Variants in TAF9B observed in about 807,000 individuals in gnomAD.
The protein encoded by TAF9B is TATA-box binding protein associated factor 9b.
In TAF9B, 47 loss-of-function variants were observed where a neutral mutation model predicts 17.6. The observed-to-expected ratio is 2.68, with a 90% confidence interval of 2.12 to 3.41. TAF9B has a LOEUF of 3.41. TAF9B is among the 30% of genes most tolerant of loss of function. The probability of loss-of-function intolerance (pLI) is 0.00; values close to 1 mark genes in which losing one functional copy is unlikely to be tolerated. For synonymous variants in TAF9B, 84 were observed against 68.7 expected (o/e 1.22, Z -1.10); for missense variants, 218 against 189.3 (o/e 1.15, Z -0.89).
chrX:78,137,199 G>A (rs983721068), intron 4 of TAF9B, among the ~76,000 whole-genome samples: 33 of 111,954 alleles, frequency 2.9e-4, no homozygotes, highest in African/African-American at 1.1e-3. Flanking sequence ...ATATGAATAC[G>A]TATAAAATCT....
In TAF9B at chrX:78,138,841, A is replaced by G. The variant is rs1448744701; in HGVS notation, c.133+2T>C. ...CAAGTTTTTGGTGTTTCATTAACTT[A>G]CGGAAAGCAAATTCCAACATTTGAT... On this transcript the variant is annotated splice_donor_variant, in intron 2 of 6. Transcript: ENST00000341864. LOFTEE classifies it high-confidence loss of function. 2 of 1,193,536 alleles carry G rather than the reference A, an allele frequency of 1.7e-6. No individual in the cohort carries two copies. Among genetic ancestry groups the G allele is most frequent in the Non-Finnish European group, 2.3e-6 (2 of 879,108 alleles).
At chrX:78,134,025 A>G (rs967209357) in intron 5 of TAF9B, among the ~76,000 whole-genome samples, 15 of 111,347 alleles carry the variant, frequency 1.3e-4, no homozygotes, top group African/African-American at 4.6e-4. Flanking sequence ...AGCAGAGATC[A>G]AATACACCCC....
Position 78,138,937 on chromosome X carries a change from A to C in TAF9B, c.52-13T>G. The C allele has an allele frequency of 8.7e-7, 1 of 1,145,691 alleles. No homozygotes were observed. Among genetic ancestry groups the C allele is most frequent in the Non-Finnish European group, 1.2e-6 (1 of 838,082 alleles). 94.4% of individuals were successfully genotyped at this position (1,145,691 alleles called of 1,213,427 possible). A position where few individuals can be genotyped will look rare whatever the true frequency, so the allele number is the denominator to read the frequency against. On this transcript the variant is annotated splice_polypyrimidine_tract_variant and intron_variant, in intron 1 of 6. Transcript: ENST00000341864. ...TCTGTGCCATCACCTGTGGATTCAA[A>C]TAAAAACACCAGATGCAGAATTTGG...
chrX:78,137,482 T>C (rs1481833454), intron 4 of TAF9B, among the ~76,000 whole-genome samples: 1 of 111,455 alleles, frequency 9.0e-6, no homozygotes, highest in Non-Finnish European at 1.9e-5. Context: ...GTGGAAAGAC[T>C]GGGAGTTATG....
rs1470106026 is a variant in TAF9B at position 78,131,553 on chromosome X, A to G, written c.*57T>C. 3 of 1,051,127 alleles carry G rather than the reference A, an allele frequency of 2.9e-6. No homozygotes were observed. The African/African-American group carries it at 5.5e-5, about 19-fold the overall frequency. 86.6% of individuals were successfully genotyped at this position (1,051,127 alleles called of 1,213,427 possible). A position where few individuals can be genotyped will look rare whatever the true frequency, so the allele number is the denominator to read the frequency against. On this transcript the variant is annotated 3_prime_UTR_variant, in exon 7 of 7. Coordinates refer to ENST00000341864, the MANE Select transcript of TAF9B (RefSeq NM_015975.5). ...AAGATCTAGAATATTCTAGTTCAGT[A>G]TACTGGGCTCAAAACCAACTTTCCT...
chrX:78,135,118 A>G (rs2078429172), intron 5 of TAF9B, among the ~76,000 whole-genome samples: 1 of 104,828 alleles, frequency 9.5e-6, no homozygotes, highest in Non-Finnish European at 2.0e-5. Context: ...ATGCCTGGCT[A>G]ATTTTTGTAT....
In TAF9B at chrX:78,137,805, G is replaced by T. The variant is rs781811611; in HGVS notation, c.349C>A (p.Pro117Thr). 5 of 1,208,942 alleles carry T rather than the reference G, an allele frequency of 4.1e-6. No homozygotes were observed. The East Asian group carries it at 1.5e-4, about 36-fold the overall frequency. Residue 117 changes from proline to threonine, a missense_variant, in exon 4 of 7, where the codon CCT becomes ACT. By Grantham distance (38) the Pro-to-Thr change is conservative. Coordinates refer to ENST00000341864, the MANE Select transcript of TAF9B (RefSeq NM_015975.5). Reference protein sequence around the residue: ...IKPYAGPRLPPDRYCLTAPNY... With the variant: ...IKPYAGPRLPTDRYCLTAPNY... ...GGAGCTGTTAAGCAGTATCTATCAG[G>T]TGGCAGTCTAGGTCCTGCATATGGC...
Position 78,137,903 on chromosome X carries a change from T to A in TAF9B, c.271-20A>T, listed in dbSNP as rs1384028454. On this transcript the variant is annotated intron_variant, in intron 3 of 6. Transcript: ENST00000341864. ...TAAAAACTTAAAAAAAAAATCCTTA[T>A]TAGAACTACAGTTTTAAAAATTGTA... 8.3e-7 allele frequency: 1 copy of A among 1,197,976 alleles called. No homozygotes were observed.
At chrX:78,139,158 G>C (rs1286190767) in intron 1 of TAF9B, among the ~76,000 whole-genome samples, 1 of 111,513 alleles carries the variant, frequency 9.0e-6, no homozygotes, top group African/African-American at 3.3e-5. Context: ...GTGGGGCAAA[G>C]AGAAGACAGA....
intron 5 of TAF9B, among the ~76,000 whole-genome samples, chrX:78,134,010 A>G (rs2078425029): frequency 9.0e-6 from 1 of 111,091 alleles, no homozygotes; most frequent in Admixed American, 9.6e-5. Flanking sequence ...TGCCCATGAA[A>G]CTAAAGCAGA....
Position 78,138,897 on chromosome X carries a change from C to T in TAF9B, c.79G>A (p.Gly27Arg). 2 of 1,206,294 alleles carry T rather than the reference C, an allele frequency of 1.7e-6. No homozygotes were observed. Among genetic ancestry groups the T allele is most frequent in the Non-Finnish European group, 2.2e-6 (2 of 891,106 alleles). The change falls in exon 2 of 7, where the codon GGA becomes AGA. Residue 27 changes from glycine to arginine, a missense_variant. By Grantham distance (125) the Gly-to-Arg change is moderately radical. Transcript: ENST00000341864. Reference protein sequence around the residue: ...LVMAQILKDMGITEYEPRVIN... With the variant: ...LVMAQILKDMRITEYEPRVIN... ...ACCCTTGGTTCATACTCTGTGATTC[C>T]CATATCCTTCAGGATCTGTGCCATC...
In TAF9B at chrX:78,137,948, CAA is replaced by C. The variant is rs782063206; in HGVS notation, c.270+12_270+13del. 5.0e-6 allele frequency: 6 copies of C among 1,200,068 alleles called. No homozygotes were observed. The African/African-American group carries it at 1.1e-4, about 21-fold the overall frequency. ...ATTGTAAGTAAAAATAACTTCAAAT[CAA>C]AGTTTGCTCACATCTCTTGGGGGAG... is the stretch of plus-strand genomic sequence containing the variant. On this transcript the variant is annotated intron_variant, in intron 3 of 6. Transcript: ENST00000341864.
At chrX:78,135,460 T>A (rs1211929462) in intron 5 of TAF9B, among the ~76,000 whole-genome samples, 1 of 103,458 alleles carries the variant, frequency 9.7e-6, no homozygotes, top group East Asian at 3.0e-4. Flanking sequence ...CCTGGTGTGG[T>A]GACGCACACC....
intron 6 of TAF9B, 48 bp from the exon 7 acceptor site, chrX:78,131,821 C>T: frequency 9.0e-7 from 1 of 1,110,617 alleles, no homozygotes; most frequent in South Asian, 2.1e-5. Flanking sequence ...ATGAATTACC[C>T]AGAATCTGAA....
intron 5 of TAF9B, among the ~76,000 whole-genome samples, chrX:78,133,988 A>G (rs1557249812): frequency 9.0e-6 from 1 of 111,139 alleles, no homozygotes; most frequent in African/African-American, 3.3e-5. Flanking sequence ...GAGAATCAGA[A>G]GATGTCATCT....
At position 78,133,357 on chromosome X, in the gene TAF9B, C is replaced by T. The variant is rs782182796; in HGVS notation, c.573G>A (p.Gln191=). The T allele has an allele frequency of 8.3e-7, 1 of 1,209,808 alleles. No homozygotes were observed. The highest frequency in any genetic ancestry group is 1.8e-5 in the South Asian group (1 of 56,976). The part of the protein sequence containing the change: ...QRFTVQIPPS[Q]STPVKPVPAT... ...CATTACCTGGTTTGACAGGTGTGGA[C>T]TGAGAAGGTGGAATCTGCACCGTAA... is the stretch of plus-strand genomic sequence containing the variant. Residue 191 remains glutamine, a synonymous_variant, in exon 6 of 7, where the codon CAG becomes CAA. Coordinates refer to ENST00000341864, the MANE Select transcript of TAF9B (RefSeq NM_015975.5).
At chrX:78,138,511 C>T (rs1378234060) in intron 2 of TAF9B, among the ~76,000 whole-genome samples, 1 of 112,745 alleles carries the variant, frequency 8.9e-6, no homozygotes, top group African/African-American at 3.2e-5. Context: ...GTAATCCCAA[C>T]ACTTTGGGAG....
chrX:78,131,711 T>C lies in TAF9B; in HGVS notation c.655A>G (p.Ile219Val). 8.3e-7 allele frequency: 1 copy of C among 1,210,619 alleles called. No homozygotes were observed. Among genetic ancestry groups the C allele is most frequent in the Non-Finnish European group, 1.1e-6 (1 of 894,529 alleles). Reference protein sequence around the residue: ...INPSMIGPKNILITTNMVSSQ... With the variant: ...INPSMIGPKNVLITTNMVSSQ... ...GAAACCATGTTGGTGGTAATAAGAATATTTTTGGGCCCAATCATTGAAGGA... is the reference window on the plus strand; with the variant it reads ...GAAACCATGTTGGTGGTAATAAGAACATTTTTGGGCCCAATCATTGAAGGA... Residue 219 changes from isoleucine to valine, a missense_variant, in exon 7 of 7, where the codon ATT (isoleucine) becomes GTT (valine). Ile to Val is a conservative substitution (Grantham distance 29). Transcript: ENST00000341864.
intron 2 of TAF9B, 44 bp downstream of exon 2, chrX:78,138,799 C>G (rs1569551058): frequency 1.1e-6 from 1 of 935,181 alleles, no homozygotes; most frequent in Non-Finnish European, 1.5e-6. Context: ...AATATCTTTT[C>G]AAGTTCACAA....
Sources: allele counts gnomAD v4.1 joint callset (sites outside exome capture counted in the v4.1 genomes callset), GRCh38; gene constraint gnomAD v4.1.1; transcripts MANE v1.5; gene names NCBI Gene and HGNC (gene_info 2026-07-23, HGNC 2026-07-21).